Variants in SNTG1 observed in about 807,000 individuals in gnomAD.
The protein encoded by SNTG1 is gamma-1-syntrophin.
A neutral mutation model predicts 74.7 loss-of-function variants in SNTG1; 39 were observed. The observed-to-expected ratio is 0.52, with a 90% CI of 0.40 to 0.68. The LOEUF (loss-of-function observed/expected upper bound fraction) is 0.68, where lower values mean the gene tolerates loss of function less well. Ranked by LOEUF, SNTG1 falls within the 30% of genes least tolerant of loss-of-function variation. The pLI, the probability that SNTG1 is intolerant of heterozygous loss-of-function variation, is 0.00. For missense variants in SNTG1, 685 were observed against 609.5 expected (o/e 1.12, Z -1.30); for synonymous variants, 254 against 217.1 (o/e 1.17, Z -1.49).
At chr8:50,580,848 G>T (rs896679832) in intron 12 of SNTG1, among the ~76,000 whole-genome samples, 1 of 152,074 alleles carries the variant, frequency 6.6e-6, no homozygotes, top group Non-Finnish European at 1.5e-5. Context: ...GTGGGCCTGG[G>T]GAGAGTGAAC....
intron 1 of SNTG1, among the ~76,000 whole-genome samples, chr8:50,130,041 T>A (rs2081268964): frequency 6.6e-6 from 1 of 152,160 alleles, no homozygotes; most frequent in Non-Finnish European, 1.5e-5. Flanking sequence ...GAAAAAATGT[T>A]CATGTGAATG....
chr8:50,619,358 T>G (rs1184056999), intron 13 of SNTG1, among the ~76,000 whole-genome samples: 4 of 152,216 alleles, frequency 2.6e-5, no homozygotes, highest in African/African-American at 9.6e-5. Context: ...ATCTGCTTTC[T>G]GTTCAGTGTT....
At chr8:50,247,791 T>C (rs1225028308) in intron 2 of SNTG1, among the ~76,000 whole-genome samples, 1 of 152,128 alleles carries the variant, frequency 6.6e-6, no homozygotes, top group Non-Finnish European at 1.5e-5. Context: ...CCCAAAGTGT[T>C]GGAATTACAG....
At chr8:50,217,706 T>C (rs1468408960) in intron 2 of SNTG1, among the ~76,000 whole-genome samples, 2 of 152,212 alleles carry the variant, frequency 1.3e-5, no homozygotes, top group East Asian at 3.9e-4. Flanking sequence ...ATACTCTTCA[T>C]AACAACTCTT....
At chr8:50,552,817 T>C (rs2094434704) in intron 11 of SNTG1, among the ~76,000 whole-genome samples, 1 of 152,224 alleles carries the variant, frequency 6.6e-6, no homozygotes, top group Non-Finnish European at 1.5e-5. Flanking sequence ...AGTTTCTCCA[T>C]AGTTACCTGA....
intron 2 of SNTG1, among the ~76,000 whole-genome samples, chr8:50,185,814 T>A (rs369228188): frequency 6.6e-6 from 1 of 151,676 alleles, no homozygotes; most frequent in Non-Finnish European, 1.5e-5. Flanking sequence ...ATAACACTAT[T>A]GTTTTTTATT....
chr8:50,155,839 A>C (rs988863417), intron 1 of SNTG1, among the ~76,000 whole-genome samples: 1 of 152,044 alleles, frequency 6.6e-6, no homozygotes, highest in African/African-American at 2.4e-5. Flanking sequence ...GATAGAAATA[A>C]TAAAGACAAA....
chr8:50,686,632 A>G (rs1258468910), intron 15 of SNTG1, among the ~76,000 whole-genome samples: 1 of 152,116 alleles, frequency 6.6e-6, no homozygotes, highest in Non-Finnish European at 1.5e-5. Flanking sequence ...TTTTATTTAC[A>G]ATTATTTAAA....
At chr8:50,015,015 A>G (rs1585900294) in intron 1 of SNTG1, among the ~76,000 whole-genome samples, 1 of 134,638 alleles carries the variant, frequency 7.4e-6, no homozygotes, top group African/African-American at 3.5e-5. Flanking sequence ...ACATGCACAG[A>G]AAAAAAAAAA....
chr8:50,743,990 C>CA (rs2131673169), intron 17 of SNTG1, among the ~76,000 whole-genome samples: 1 of 151,824 alleles, frequency 6.6e-6, no homozygotes, highest in African/African-American at 2.4e-5. Flanking sequence ...GGAGGTGACA[C>CA]ACATTTTTCA....
At chr8:50,630,130 A>C (rs2094986604) in intron 13 of SNTG1, among the ~76,000 whole-genome samples, 2 of 152,158 alleles carry the variant, frequency 1.3e-5, no homozygotes, top group Non-Finnish European at 2.9e-5. Context: ...GGAAAACCTA[A>C]ATTATTTATA....
At chr8:50,450,857 A>T (rs1489496923) in intron 8 of SNTG1, 128 bp downstream of exon 8, 18 of 926,208 alleles carry the variant, frequency 1.9e-5, no homozygotes, top group Non-Finnish European at 2.9e-5. Flanking sequence ...TCAAATTTTC[A>T]AATGTTCTCT....
intron 2 of SNTG1, among the ~76,000 whole-genome samples, chr8:50,312,379 T>A (rs955161815): frequency 6.6e-6 from 1 of 152,114 alleles, no homozygotes; most frequent in Non-Finnish European, 1.5e-5. Flanking sequence ...AGCTTATTTC[T>A]CCAATAATCT....
intron 1 of SNTG1, among the ~76,000 whole-genome samples, chr8:49,951,077 C>A (rs1240483675): frequency 1.3e-5 from 2 of 152,160 alleles, no homozygotes; most frequent in African/African-American, 4.8e-5. Flanking sequence ...TCTATTCTAA[C>A]ACTTGCATTT....
chr8:50,543,778 A>G (rs969708350), intron 11 of SNTG1, among the ~76,000 whole-genome samples: 8 of 144,782 alleles, frequency 5.5e-5, no homozygotes, highest in South Asian at 2.1e-4. Context: ...TGCTCTCTAG[A>G]GTGATTGTCC....
chr8:50,785,128 A>G (rs1225355611), intron 18 of SNTG1, among the ~76,000 whole-genome samples: 1 of 152,030 alleles, frequency 6.6e-6, no homozygotes, highest in Non-Finnish European at 1.5e-5. Flanking sequence ...CTTTCTCAAT[A>G]AGAAATTAGA....
intron 1 of SNTG1, among the ~76,000 whole-genome samples, chr8:50,020,380 T>TA (rs1816712635): frequency 1.3e-5 from 2 of 152,184 alleles, no homozygotes; most frequent in African/African-American, 4.8e-5. Flanking sequence ...GCCAGGCTGC[T>TA]ATTCATCTCT....
At chr8:50,263,850 A>G (rs1563816163) in intron 2 of SNTG1, among the ~76,000 whole-genome samples, 2 of 152,178 alleles carry the variant, frequency 1.3e-5, no homozygotes, top group African/African-American at 4.8e-5. Context: ...CCCAACAGAC[A>G]TGTGTAGAAC....
At chr8:50,441,416 C>G (rs1400970772) in intron 5 of SNTG1, among the ~76,000 whole-genome samples, 1 of 152,092 alleles carries the variant, frequency 6.6e-6, no homozygotes, top group Non-Finnish European at 1.5e-5. Flanking sequence ...TGAGGCAGTT[C>G]AGTGTCCCTA....
Sources: allele counts gnomAD v4.1 joint callset (sites outside exome capture counted in the v4.1 genomes callset), GRCh38; gene constraint gnomAD v4.1.1; transcripts MANE v1.5; gene names NCBI Gene and HGNC (gene_info 2026-07-23, HGNC 2026-07-21).